FRMD5: variants seen among roughly 807,000 people sequenced by gnomAD.
The protein encoded by FRMD5 is FERM domain containing 5.
In FRMD5, 20 loss-of-function variants were observed where a neutral mutation model predicts 69.0. The ratio of observed to expected loss-of-function variants is 0.29; its 90% confidence interval spans 0.20 to 0.42. FRMD5 has a LOEUF of 0.42. FRMD5 is among the 10% of genes least tolerant of loss of function. The probability of loss-of-function intolerance (pLI) is 1.00; values close to 1 mark genes in which losing one functional copy is unlikely to be tolerated. For missense variants in FRMD5, 595 were observed against 708.6 expected (o/e 0.84, Z 1.82); for synonymous variants, 271 against 260.1 (o/e 1.04, Z -0.40).
intron 1 of FRMD5, among the ~76,000 whole-genome samples, chr15:44,078,098 G>A (rs758930836): frequency 2.3e-4 from 35 of 152,102 alleles, no homozygotes; most frequent in Non-Finnish European, 4.1e-4. Context: ...TAAAACCTTT[G>A]CTAAAGGCAA....
intron 1 of FRMD5, among the ~76,000 whole-genome samples, chr15:44,082,234 T>A (rs767481019): frequency 2.0e-5 from 3 of 151,890 alleles, no homozygotes; most frequent in Non-Finnish European, 4.4e-5. Flanking sequence ...AGTTTAAAGG[T>A]TGCAGCAAAT....
chr15:44,169,659 G>T (rs992040066), intron 1 of FRMD5, among the ~76,000 whole-genome samples: 2 of 152,106 alleles, frequency 1.3e-5, no homozygotes, highest in Non-Finnish European at 2.9e-5. Context: ...GGGGACCCTT[G>T]CTTTATCACC....
At chr15:43,951,981 T>G (rs61607060) in intron 1 of FRMD5, among the ~76,000 whole-genome samples, 47 of 98,420 alleles carry the variant, frequency 4.8e-4, no homozygotes, top group African/African-American at 2.1e-3. Context: ...GTGTGTGTGT[T>G]GTGTGTGTGT....
intron 1 of FRMD5, among the ~76,000 whole-genome samples, chr15:43,986,801 T>G (rs1030452338): frequency 2.2e-5 from 3 of 136,774 alleles, no homozygotes; most frequent in African/African-American, 7.5e-5. Context: ...GGGGTTTTTG[T>G]TTTTTTTTTA....
At chr15:44,001,987 C>A (rs948445474) in intron 1 of FRMD5, among the ~76,000 whole-genome samples, 1 of 152,104 alleles carries the variant, frequency 6.6e-6, no homozygotes, top group Non-Finnish European at 1.5e-5. Flanking sequence ...TCCCAAAGTG[C>A]GAGCCACCGC....
chr15:43,936,188 G>T (rs560427057), intron 1 of FRMD5, among the ~76,000 whole-genome samples: 1 of 152,230 alleles, frequency 6.6e-6, no homozygotes, highest in East Asian at 1.9e-4. Context: ...GTATTTGTGG[G>T]TTTTTGTTTC....
At chr15:44,120,196 T>C (rs117381353) in intron 1 of FRMD5, among the ~76,000 whole-genome samples, 359 of 152,200 alleles carry the variant, frequency 2.4e-3, no homozygotes, top group Non-Finnish European at 3.7e-3. Context: ...CCAAGAAGAA[T>C]GGCAGGGGCA....
rs200956036 is a variant in FRMD5, at chr15:43,900,618, G to GTTTT, written c.639+1556_639+1557insAAAA. Among the ~76,000 whole-genome samples the GTTTT allele has an allele frequency of 4.1e-5, 6 of 146,118 alleles. 1 individual carries two copies. Among genetic ancestry groups the GTTTT allele is most frequent in the African/African-American group, 1.6e-4 (6 of 37,680 alleles). ...TATGTCACTGTGCTCATTCATTCCT[G>GTTTT]GTTTTTTTTTTTTTTTTGAGACAGA... On this transcript the variant is annotated intron_variant, in intron 7 of 13. Transcript: ENST00000417257.
intron 1 of FRMD5, among the ~76,000 whole-genome samples, chr15:44,121,792 C>T (rs370106909): frequency 5.9e-5 from 9 of 152,022 alleles, no homozygotes; most frequent in African/African-American, 1.2e-4. Context: ...GTCAAGAGTT[C>T]GAGACCAGCC....
chr15:44,039,445 G>A (rs1405365680), intron 1 of FRMD5, among the ~76,000 whole-genome samples: 1 of 152,186 alleles, frequency 6.6e-6, no homozygotes, highest in African/African-American at 2.4e-5. Context: ...ACTGGCAGGT[G>A]CCACTCTGGG....
intron 1 of FRMD5, among the ~76,000 whole-genome samples, chr15:44,138,835 T>G (rs2077223838): frequency 6.6e-6 from 1 of 152,014 alleles, no homozygotes; most frequent in Non-Finnish European, 1.5e-5. Flanking sequence ...AGTGAAAGAA[T>G]CCAGGAACAA....
intron 4 of FRMD5, among the ~76,000 whole-genome samples, chr15:43,911,462 G>C (rs1412827123): frequency 1.3e-5 from 2 of 152,184 alleles, no homozygotes; most frequent in African/African-American, 2.4e-5. Flanking sequence ...AGGAACTGAG[G>C]CTTTCGGCCA....
chr15:43,944,056 G>A (rs906532622), intron 1 of FRMD5, among the ~76,000 whole-genome samples: 3 of 152,122 alleles, frequency 2.0e-5, no homozygotes, highest in East Asian at 1.9e-4. Flanking sequence ...ATATCCCATC[G>A]GCCACTGCCT....
chr15:44,053,780 A>G (rs1892761831), intron 1 of FRMD5, among the ~76,000 whole-genome samples: 1 of 152,214 alleles, frequency 6.6e-6, no homozygotes, highest in Non-Finnish European at 1.5e-5. Context: ...ATAATTAGAT[A>G]TAAAAAAACT....
At chr15:43,989,699 G>GT (rs1566882990) in intron 1 of FRMD5, 1 of 998,828 alleles carries the variant, frequency 1.0e-6, no homozygotes, top group Non-Finnish European at 1.6e-6. Context: ...GATGGGCACA[G>GT]TGTGGGTGAC....
rs111725963 is a variant in FRMD5 at position 44,087,354 on chromosome 15, G to A, written c.102+107599C>T. Among the ~76,000 whole-genome samples, 1,091 of 152,254 alleles carry A rather than the reference G, an allele frequency of 7.2e-3. 20 individuals carry two copies. Among genetic ancestry groups the A allele is most frequent in the African/African-American group, 0.025 (1,043 of 41,544 alleles). On this transcript the variant is annotated intron_variant, in intron 1 of 13. Transcript: ENST00000417257. ...AAATAGAGTAAGTAGAACTCACAAA[G>A]AGCCCTACATTATAACACGTAATAA...
At chr15:43,959,378 G>A (rs1486742802) in intron 1 of FRMD5, among the ~76,000 whole-genome samples, 1 of 152,216 alleles carries the variant, frequency 6.6e-6, no homozygotes, top group South Asian at 2.1e-4. Flanking sequence ...ACCAAATACA[G>A]TCCTGGTAGT....
chr15:43,949,552 A>C (rs1329223993), intron 1 of FRMD5, among the ~76,000 whole-genome samples: 1 of 152,192 alleles, frequency 6.6e-6, no homozygotes, highest in Non-Finnish European at 1.5e-5. Context: ...CAGTCTCTGA[A>C]AGTCCTGCTT....
rs1566889740 is a variant in FRMD5, at chr15:43,999,947, GCCATGCATATATA to G, written c.103-75651_103-75639del. On this transcript the variant is annotated intron_variant, in intron 1 of 13. Coordinates refer to ENST00000417257, the MANE Select transcript of FRMD5 (RefSeq NM_032892.5). ...TGTATATATATATATATATATATAT[GCCATGCATATATA>G]TATATATATATATATATATATATAT... 5.1e-4 allele frequency among the ~76,000 whole-genome samples: 50 copies of G among 97,862 alleles called. 1 individual carries two copies. The highest frequency in any genetic ancestry group is 2.2e-3 in the African/African-American group (46 of 21,072). 64.2% of individuals were successfully genotyped at this position (97,862 alleles called of 152,430 possible). A position where few individuals can be genotyped will look rare whatever the true frequency, so the allele number is the denominator to read the frequency against.
Sources: gnomAD v4.1 joint callset for allele counts (sites outside exome capture counted in the v4.1 genomes callset) on GRCh38, gnomAD v4.1.1 for gene constraint, MANE v1.5 for transcripts, NCBI Gene and HGNC (gene_info 2026-07-23, HGNC 2026-07-21) for gene names.